Variants in OCA2 observed in about 807,000 individuals in gnomAD.
OCA2 encodes the protein OCA2 melanosomal transmembrane protein.
OCA2 carries 77 observed loss-of-function variants against 100.2 expected under a neutral mutation model. That is an observed-to-expected ratio of 0.77 (90% confidence interval 0.64 to 0.93). The LOEUF (loss-of-function observed/expected upper bound fraction) is 0.93. Ranked by LOEUF, OCA2 falls within the 40% of genes least tolerant of loss-of-function variation. The pLI, the probability that OCA2 is intolerant of heterozygous loss-of-function variation, is 0.00. For missense variants in OCA2, 1,062 were observed against 1,089.1 expected, an observed-to-expected ratio of 0.98 and a Z score of 0.35; for synonymous variants, 432 against 439.2, an observed-to-expected ratio of 0.98 and a Z score of 0.21.
intron 2 of OCA2, among the ~76,000 whole-genome samples, chr15:28,077,392 T>C (rs1367945197): frequency 6.6e-6 from 1 of 152,166 alleles, no homozygotes; most frequent in Non-Finnish European, 1.5e-5. Flanking sequence ...AAAATTAGCA[T>C]ATTAGATTAA....
chr15:27,895,988 G>A (rs1018119218), intron 19 of OCA2: 50 of 820,356 alleles, frequency 6.1e-5, no homozygotes, highest in South Asian at 1.1e-4. Context: ...GACCAATTAC[G>A]CTGCGGTGTA....
At chr15:27,915,242 A>C (rs1232922457) in intron 19 of OCA2, among the ~76,000 whole-genome samples, 2 of 152,202 alleles carry the variant, frequency 1.3e-5, no homozygotes, top group Admixed American at 6.6e-5. Context: ...TTTAAAACCT[A>C]AAACCATAAA....
At chr15:27,985,328 T>C in intron 12 of OCA2, 140 bp from the exon 13 acceptor site, 1 of 992,282 alleles carries the variant, frequency 1.0e-6, no homozygotes, top group Non-Finnish European at 1.5e-6. Context: ...CACGGAGTCC[T>C]AGGGGGGCCG....
intron 18 of OCA2, among the ~76,000 whole-genome samples, chr15:27,935,267 C>G (rs1446265580): frequency 6.6e-6 from 1 of 152,176 alleles, no homozygotes; most frequent in African/African-American, 2.4e-5. Context: ...TCCTGTGGAG[C>G]TTCTATCAAA....
intron 9 of OCA2, among the ~76,000 whole-genome samples, chr15:28,012,154 TAGAC>T (rs950176430): frequency 6.6e-6 from 1 of 152,132 alleles, no homozygotes; most frequent in African/African-American, 2.4e-5. Context: ...CTGAAGAAGA[TAGAC>T]AGGTGGCAAA....
chr15:27,987,719 C>T (rs1055419524), intron 11 of OCA2, among the ~76,000 whole-genome samples: 9 of 151,806 alleles, frequency 5.9e-5, no homozygotes, highest in Admixed American at 2.6e-4. Flanking sequence ...CAGAGCGAGA[C>T]TCTGTCTCAA....
chr15:27,723,673 T>A, the OCA2 span, among the ~76,000 whole-genome samples: 1 of 152,122 alleles, frequency 6.6e-6, no homozygotes, highest in South Asian at 2.1e-4. Flanking sequence ...CCTCTTTGCC[T>A]CCGCCCATCC....
intron 18 of OCA2, among the ~76,000 whole-genome samples, chr15:27,929,567 C>T (rs2039167489): frequency 6.6e-6 from 1 of 151,770 alleles, no homozygotes; most frequent in African/African-American, 2.4e-5. Flanking sequence ...AATCTCTGAC[C>T]CTGAGTTAAA....
Position 27,955,158 on chromosome 15 carries a change from C to G in OCA2, c.1842G>C (p.Lys614Asn). 1 of 1,608,388 alleles carries G rather than the reference C, an allele frequency of 6.2e-7. No homozygotes were observed. The highest frequency in any genetic ancestry group is 8.5e-7 in the Non-Finnish European group (1 of 1,174,770). The part of the protein sequence containing the change: ...WETNIQELQK[K>N]HRISDGILLA... ...TCCCTGAGGAAAGAAAGCTGGGTAC[C>G]TTTTTTTGGAGTTCTTGGATATTGG... The change falls in exon 17 of 24, where the codon AAG becomes AAC. Residue 614 changes from lysine to asparagine, a missense_variant and splice_region_variant. Lys to Asn is a moderately conservative substitution (Grantham distance 94). Coordinates refer to ENST00000354638, the MANE Select transcript of OCA2 (RefSeq NM_000275.3).
At position 28,043,054 on chromosome 15, in the gene OCA2, C is replaced by T. The variant is rs1167179996; in HGVS notation, c.228-10891G>A. On this transcript the variant is annotated intron_variant, in intron 2 of 23. Coordinates refer to ENST00000354638, the MANE Select transcript of OCA2 (RefSeq NM_000275.3). This position sits in a 1 kb window ranked among gnomAD's most constrained non-coding sequence, Gnocchi z 4.4. The stretch of plus-strand genomic sequence containing the variant: ...CCAGACAATTTGTAAGGACAGTTAA[C>T]ACAAGAAATATTGAATATAAATGGA... Among the ~76,000 whole-genome samples the T allele has an allele frequency of 6.6e-6, 1 of 152,080 alleles. No homozygotes were observed. The highest frequency in any genetic ancestry group is 1.5e-5 in the Non-Finnish European group (1 of 68,014).
At chr15:28,034,069 AG>A (rs2042981837) in intron 2 of OCA2, among the ~76,000 whole-genome samples, 1 of 152,180 alleles carries the variant, frequency 6.6e-6, no homozygotes, top group Non-Finnish European at 1.5e-5. Flanking sequence ...GGATTGATTG[AG>A]GCCATGAGTG....
At chr15:27,846,300 A>G (rs1042721407) in intron 22 of OCA2, among the ~76,000 whole-genome samples, 1 of 152,080 alleles carries the variant, frequency 6.6e-6, no homozygotes, top group Admixed American at 6.5e-5. Flanking sequence ...TAATGTGGCC[A>G]TCATTTCTCA....
intron 2 of OCA2, among the ~76,000 whole-genome samples, chr15:28,060,042 C>T (rs1352957151): frequency 6.6e-6 from 1 of 152,258 alleles, no homozygotes; most frequent in Non-Finnish European, 1.5e-5. Context: ...CTCATGCAAC[C>T]CGCTGCTTCC....
Position 28,073,935 on chromosome 15 carries a change from G to A in OCA2, c.227+7713C>T, listed in dbSNP as rs140113371. On this transcript the variant is annotated intron_variant, in intron 2 of 23. Coordinates refer to ENST00000354638, the MANE Select transcript of OCA2 (RefSeq NM_000275.3). The stretch of plus-strand genomic sequence containing the variant: ...TCTGTACGGAATCTGAGATTACGAT[G>A]GAATAGGTCTATATCTTGATTATAG... Among the ~76,000 whole-genome samples, 13 of 151,756 alleles carry A rather than the reference G, an allele frequency of 8.6e-5. No individual in the cohort carries two copies. In the East Asian group the frequency reaches 2.1e-3, roughly 25 times the overall value.
intron 23 of OCA2, among the ~76,000 whole-genome samples, chr15:27,830,024 AAAT>A (rs2034890969): frequency 1.3e-5 from 2 of 152,362 alleles, no homozygotes; most frequent in African/African-American, 2.4e-5. Context: ...ATCCCAATCA[AAAT>A]AATAATTGGC....
At chr15:27,946,493 C>G (rs1443495359) in intron 18 of OCA2, among the ~76,000 whole-genome samples, 1 of 152,192 alleles carries the variant, frequency 6.6e-6, no homozygotes, top group Non-Finnish European at 1.5e-5. Flanking sequence ...GTCACTGTTT[C>G]TGTACCTCAC....
chr15:27,812,772 T>C (rs2034129743), intron 23 of OCA2, among the ~76,000 whole-genome samples: 1 of 152,150 alleles, frequency 6.6e-6, no homozygotes, highest in Non-Finnish European at 1.5e-5. Flanking sequence ...GTGCATACCA[T>C]GCACATTAAC....
chr15:27,730,604 C>T, the OCA2 span, among the ~76,000 whole-genome samples: 17 of 151,770 alleles, frequency 1.1e-4, no homozygotes, highest in Non-Finnish European at 1.9e-4. Flanking sequence ...TGGCAGCCAG[C>T]CTCCATCCTA....
At chr15:27,764,059 T>C (rs780343761) in intron 23 of OCA2, among the ~76,000 whole-genome samples, 17 of 145,818 alleles carry the variant, frequency 1.2e-4, no homozygotes, top group Admixed American at 2.0e-4. Context: ...GAGGGAGAGA[T>C]AGACAGAGGG....
Sources: gnomAD v4.1 joint callset for allele counts (sites outside exome capture counted in the v4.1 genomes callset) on GRCh38, gnomAD v4.1.1 for gene constraint, Gnocchi (gnomAD v3.1) non-coding constraint, MANE v1.5 for transcripts, NCBI Gene and HGNC (gene_info 2026-07-23, HGNC 2026-07-21) for gene names.